The following CYP27A1 variants were observed in gnomAD, a reference collection of about 807,000 sequenced individuals.
The protein encoded by CYP27A1 is sterol 26-hydroxylase, mitochondrial.
A neutral mutation model predicts 58.2 loss-of-function variants in CYP27A1; 46 were observed. That is an observed-to-expected ratio of 0.79 (90% CI 0.62 to 1.01). The LOEUF (loss-of-function observed/expected upper bound fraction) is 1.01, where lower values mean the gene tolerates loss of function less well. Ranked by LOEUF, CYP27A1 falls within the 50% of genes least tolerant of loss-of-function variation. The pLI is 0.00. For missense variants in CYP27A1, 704 were observed against 687.0 expected, an observed-to-expected ratio of 1.02 and a Z score of -0.28; for synonymous variants, 274 against 285.1, an observed-to-expected ratio of 0.96 and a Z score of 0.39.
At chr2:218,784,711 T>G (rs1325318464) in intron 1 of CYP27A1, among the ~76,000 whole-genome samples, 3 of 152,232 alleles carry the variant, frequency 2.0e-5, no homozygotes, top group Non-Finnish European at 4.4e-5. Flanking sequence ...AACTTTTAAC[T>G]TTGGAGCACT....
intron 1 of CYP27A1, among the ~76,000 whole-genome samples, chr2:218,790,338 C>T (rs1434607550): frequency 1.3e-5 from 2 of 152,162 alleles, no homozygotes; most frequent in African/African-American, 4.8e-5. Context: ...TACAGTGCAC[C>T]ACGGAGACTA....
chr2:218,791,046 G>A (rs2105972146), intron 1 of CYP27A1, among the ~76,000 whole-genome samples: 1 of 152,224 alleles, frequency 6.6e-6, no homozygotes, highest in African/African-American at 2.4e-5. Context: ...ATGTTGGCCA[G>A]GCTGGTCTTG....
chr2:218,806,576 A>T (rs555383557), intron 1 of CYP27A1, among the ~76,000 whole-genome samples: 1 of 152,384 alleles, frequency 6.6e-6, no homozygotes, highest in South Asian at 2.1e-4. Flanking sequence ...GTTTTAAAAT[A>T]GTACACGCTT....
At chr2:218,813,729 C>T (rs546333464) in intron 5 of CYP27A1, among the ~76,000 whole-genome samples, 25 of 152,214 alleles carry the variant, frequency 1.6e-4, no homozygotes, top group Admixed American at 9.2e-4. Flanking sequence ...TTGTGTCCAG[C>T]CAGCACCTTC....
intron 1 of CYP27A1, among the ~76,000 whole-genome samples, chr2:218,795,420 G>GGGTGTGT (rs1377395283): frequency 6.6e-6 from 1 of 152,186 alleles, no homozygotes; most frequent in Non-Finnish European, 1.5e-5. Flanking sequence ...GATGTCTTGT[G>GGGTGTGT]ACACACCCAG....
chr2:218,791,225 C>T (rs532724685), intron 1 of CYP27A1, among the ~76,000 whole-genome samples: 1 of 152,278 alleles, frequency 6.6e-6, no homozygotes, highest in East Asian at 1.9e-4. Flanking sequence ...GAGTTAAGAC[C>T]TCCTGGCAAT....
intron 1 of CYP27A1, among the ~76,000 whole-genome samples, chr2:218,806,706 G>T (rs1943655440): frequency 6.6e-6 from 1 of 152,180 alleles, no homozygotes; most frequent in Admixed American, 6.5e-5. Context: ...TCCTGACTCT[G>T]CTACTTAATG....
chr2:218,793,315 A>T (rs574420285), intron 1 of CYP27A1, among the ~76,000 whole-genome samples: 1 of 152,268 alleles, frequency 6.6e-6, no homozygotes, highest in South Asian at 2.1e-4. Context: ...ACCTCAGGTG[A>T]TCCACCCACC....
chr2:218,804,114 A>G lies in CYP27A1; in HGVS notation c.256-5463A>G, dbSNP rs534917252. Among the ~76,000 whole-genome samples the G allele has an allele frequency of 1.8e-4, 27 of 152,320 alleles. No homozygotes were observed. The East Asian group carries it at 4.0e-3, about 23-fold the overall frequency. Reference sequence around the variant, plus strand: ...CATTTGTTATCAAATCTAAGAATTCATTGACATATCCAGGGTCATGAAGAC... The same window carrying G: ...CATTTGTTATCAAATCTAAGAATTCGTTGACATATCCAGGGTCATGAAGAC... On this transcript the variant is annotated intron_variant, in intron 1 of 8. Transcript: ENST00000258415.
At chr2:218,810,296 A>C (rs1943699009) in intron 2 of CYP27A1, among the ~76,000 whole-genome samples, 2 of 152,102 alleles carry the variant, frequency 1.3e-5, no homozygotes, top group Non-Finnish European at 2.9e-5. Flanking sequence ...AAAAAAAAAA[A>C]AACTTTTTAA....
intron 1 of CYP27A1, among the ~76,000 whole-genome samples, chr2:218,800,120 G>C (rs1943585027): frequency 6.6e-6 from 1 of 152,138 alleles, no homozygotes. Flanking sequence ...ACTCTTTTCT[G>C]AGGGAGAATA....
Position 218,786,699 on chromosome 2 carries a change from C to T in CYP27A1, c.255+4262C>T, listed in dbSNP as rs949577302. Among the ~76,000 whole-genome samples the T allele has an allele frequency of 8.5e-5, 13 of 152,238 alleles. No individual in the cohort carries two copies. In the South Asian group the frequency reaches 2.3e-3, roughly 27 times the overall value. ...GCCTGGCTTGGTGACCCTTCCTGTG[C>T]CCCCCAGTGCCCAGGAGATTAATGA... On this transcript the variant is annotated intron_variant, in intron 1 of 8. Coordinates refer to ENST00000258415, the MANE Select transcript of CYP27A1 (RefSeq NM_000784.4).
At chr2:218,794,609 T>C (rs1002354121) in intron 1 of CYP27A1, among the ~76,000 whole-genome samples, 4 of 152,174 alleles carry the variant, frequency 2.6e-5, no homozygotes, top group African/African-American at 9.7e-5. Flanking sequence ...TTTGCCGGCG[T>C]GTTGGGCTTC....
At chr2:218,789,465 C>T (rs1943469867) in intron 1 of CYP27A1, among the ~76,000 whole-genome samples, 1 of 152,178 alleles carries the variant, frequency 6.6e-6, no homozygotes, top group Non-Finnish European at 1.5e-5. Flanking sequence ...AGGAAAGTGA[C>T]ATACAAAAAA....
chr2:218,803,786 G>A (rs955976418), intron 1 of CYP27A1, among the ~76,000 whole-genome samples: 13 of 122,038 alleles, frequency 1.1e-4, no homozygotes, highest in East Asian at 2.3e-4. Context: ...AGGCTGGAGC[G>A]TATTGGTGCA....
intron 7 of CYP27A1, 38 bp from the exon 8 acceptor site, chr2:218,814,507 G>A (rs371493850): frequency 1.9e-5 from 31 of 1,612,740 alleles, no homozygotes; most frequent in Middle Eastern, 1.7e-4. Context: ...CTATGCCCCC[G>A]AAGAGAGGCA....
At chr2:218,787,418 T>A (rs17573724) in intron 1 of CYP27A1, among the ~76,000 whole-genome samples, 53,729 of 151,854 alleles carry the variant, frequency 0.35, 10,227 homozygotes, top group Non-Finnish European at 0.42. Context: ...AATGTTGTCA[T>A]CACATTCAGC....
intron 1 of CYP27A1, among the ~76,000 whole-genome samples, chr2:218,801,391 A>C (rs1013499484): frequency 6.6e-6 from 1 of 152,120 alleles, no homozygotes; most frequent in Non-Finnish European, 1.5e-5. Flanking sequence ...CTGTAATCCC[A>C]GCTACTCAGG....
At chr2:218,783,755 T>C (rs1457507930) in intron 1 of CYP27A1, among the ~76,000 whole-genome samples, 1 of 152,208 alleles carries the variant, frequency 6.6e-6, no homozygotes, top group Non-Finnish European at 1.5e-5. Flanking sequence ...TGTCAGGGAC[T>C]GATAGGAGTA....
Sources: gnomAD v4.1 joint callset for allele counts (sites outside exome capture counted in the v4.1 genomes callset) on GRCh38, gnomAD v4.1.1 for gene constraint, MANE v1.5 for transcripts, NCBI Gene and HGNC (gene_info 2026-07-23, HGNC 2026-07-21) for gene names.